Variants in POU6F2 observed in about 807,000 individuals in gnomAD.
POU6F2 encodes the protein POU domain, class 6, transcription factor 2.
A neutral mutation model predicts 71.3 loss-of-function variants in POU6F2; 31 were observed. That is an observed-to-expected ratio of 0.43 (90% confidence interval 0.33 to 0.59). The LOEUF is 0.59. Among genes scored for constraint, POU6F2 ranks in the 20% least tolerant of loss-of-function variants. The pLI, the probability that POU6F2 is intolerant of heterozygous loss-of-function variation, is 0.04. For synonymous variants in POU6F2, 347 were observed against 355.7 expected (o/e 0.98, Z 0.27); for missense variants, 783 against 856.8 (o/e 0.91, Z 1.07).
chr7:39,223,184 T>C (rs1364166582), intron 4 of POU6F2, among the ~76,000 whole-genome samples: 1 of 152,212 alleles, frequency 6.6e-6, no homozygotes, highest in Non-Finnish European at 1.5e-5. Flanking sequence ...AACAGTTACT[T>C]ACTGACTTCT....
chr7:39,409,901 T>C (rs1787517642), intron 6 of POU6F2, among the ~76,000 whole-genome samples: 1 of 152,236 alleles, frequency 6.6e-6, no homozygotes, highest in South Asian at 2.1e-4. Flanking sequence ...CTCCTTTTTT[T>C]CCCCAACCAG....
At chr7:39,171,072 G>A (rs895503788) in intron 2 of POU6F2, among the ~76,000 whole-genome samples, 26 of 124,242 alleles carry the variant, frequency 2.1e-4, no homozygotes, top group Non-Finnish European at 3.9e-4. Flanking sequence ...TGTGCAGAAC[G>A]TGCAGGTTTG....
At chr7:39,230,489 G>GAA (rs971811603) in intron 4 of POU6F2, among the ~76,000 whole-genome samples, 1 of 102,552 alleles carries the variant, frequency 9.8e-6, no homozygotes, top group Non-Finnish European at 2.1e-5. Context: ...GTTTTAAAAA[G>GAA]AAAAAAAAAA....
chr7:39,074,533 A>G (rs757774329), intron 1 of POU6F2, among the ~76,000 whole-genome samples: 3 of 152,152 alleles, frequency 2.0e-5, no homozygotes, highest in African/African-American at 7.2e-5. Context: ...TTTATCTTTT[A>G]TAGATATCAA....
At chr7:39,405,460 G>A (rs1276101531) in intron 5 of POU6F2, among the ~76,000 whole-genome samples, 2 of 152,154 alleles carry the variant, frequency 1.3e-5, no homozygotes, top group East Asian at 3.9e-4. Context: ...CCTAGTCTTA[G>A]TCGTGGCAGG....
intron 4 of POU6F2, among the ~76,000 whole-genome samples, chr7:39,296,477 A>G (rs1012758459): frequency 2.0e-5 from 3 of 152,204 alleles, no homozygotes; most frequent in Admixed American, 6.5e-5. Context: ...CGCTGCAACC[A>G]GCGTGATCTT....
At chr7:39,227,982 G>A (rs1475431549) in intron 4 of POU6F2, among the ~76,000 whole-genome samples, 1 of 152,152 alleles carries the variant, frequency 6.6e-6, no homozygotes, top group Non-Finnish European at 1.5e-5. Flanking sequence ...GTGAGGAAGG[G>A]AAGGAGAGAG....
intron 1 of POU6F2, among the ~76,000 whole-genome samples, chr7:38,990,125 T>C (rs1288112741): frequency 6.6e-6 from 1 of 152,146 alleles, no homozygotes; most frequent in Non-Finnish European, 1.5e-5. Context: ...TGGCCAAATA[T>C]ATGTTGGCAC....
chr7:39,240,368 C>T (rs1783700715), intron 4 of POU6F2, among the ~76,000 whole-genome samples: 2 of 152,110 alleles, frequency 1.3e-5, no homozygotes, highest in South Asian at 4.1e-4. Flanking sequence ...CTTACATCTG[C>T]CACTACTTGC....
At chr7:39,128,917 C>T (rs1792197481) in intron 2 of POU6F2, among the ~76,000 whole-genome samples, 1 of 152,154 alleles carries the variant, frequency 6.6e-6, no homozygotes. Context: ...ACTCTAAGAA[C>T]AAATCTCTTG....
intron 5 of POU6F2, among the ~76,000 whole-genome samples, chr7:39,365,790 T>G (rs1224959416): frequency 6.6e-6 from 1 of 152,210 alleles, no homozygotes; most frequent in Non-Finnish European, 1.5e-5. Flanking sequence ...GCTAGAGGTC[T>G]GAAGAGAAGC....
At chr7:39,290,969 C>T (rs1784743584) in intron 4 of POU6F2, among the ~76,000 whole-genome samples, 1 of 150,610 alleles carries the variant, frequency 6.6e-6, no homozygotes, top group African/African-American at 2.4e-5. Context: ...TTATCAAGCC[C>T]CTTTGGTCCA....
At chr7:39,066,826 A>T (rs1790763337) in intron 1 of POU6F2, among the ~76,000 whole-genome samples, 1 of 149,270 alleles carries the variant, frequency 6.7e-6, no homozygotes, top group African/African-American at 2.4e-5. Context: ...TAGCATATAG[A>T]TGATTTTTGC....
At chr7:39,055,115 G>C (rs1790481451) in intron 1 of POU6F2, among the ~76,000 whole-genome samples, 1 of 152,050 alleles carries the variant, frequency 6.6e-6, no homozygotes, top group Non-Finnish European at 1.5e-5. Flanking sequence ...GTGGATTGTA[G>C]GAACGAAGTA....
At chr7:39,196,758 C>CAAAAAAAAAAAAAAAAAAA (rs1793795171) in intron 2 of POU6F2, among the ~76,000 whole-genome samples, 1 of 147,774 alleles carries the variant, frequency 6.8e-6, no homozygotes, top group African/African-American at 2.5e-5. Context: ...GACTCCATCT[C>CAAAAAAAAAAAAAAAAAAA]AAGAAAAAAA....
intron 1 of POU6F2, among the ~76,000 whole-genome samples, chr7:39,021,292 C>T (rs527704709): frequency 6.6e-6 from 1 of 151,742 alleles, no homozygotes; most frequent in Non-Finnish European, 1.5e-5. Context: ...TTTATTCTTA[C>T]TGCTTTGAAA....
rs33915153 is a variant in POU6F2, at chr7:39,221,384, C to CTTTTT, written c.598+13784_598+13788dup. 2.5e-3 allele frequency among the ~76,000 whole-genome samples: 220 copies of CTTTTT among 86,344 alleles called. 3 individuals are homozygous for CTTTTT. Among genetic ancestry groups the CTTTTT allele is most frequent in the African/African-American group, 2.9e-3 (60 of 20,940 alleles). 56.6% of individuals were successfully genotyped at this position (86,344 alleles called of 152,430 possible). A position where few individuals can be genotyped will look rare whatever the true frequency, so the allele number is the denominator to read the frequency against. On this transcript the variant is annotated intron_variant, in intron 4 of 9. Coordinates refer to ENST00000518318, the MANE Select transcript of POU6F2 (RefSeq NM_001370959.1). ...TCAGAATCTAAAATTCTCTCTCTCT[C>CTTTTT]TTTTTTTTTTTTTTTTTTTTTTTTG...
chr7:39,000,195 G>T (rs115313390), intron 1 of POU6F2, among the ~76,000 whole-genome samples: 1 of 152,152 alleles, frequency 6.6e-6, no homozygotes, highest in Non-Finnish European at 1.5e-5. Flanking sequence ...TGTTTGGGGG[G>T]ACATTGGAGC....
chr7:39,160,568 C>A (rs906139341), intron 2 of POU6F2, among the ~76,000 whole-genome samples: 1 of 152,172 alleles, frequency 6.6e-6, no homozygotes, highest in Non-Finnish European at 1.5e-5. Flanking sequence ...AACTGATATT[C>A]ATCTAAAACT....
Sources: allele counts gnomAD v4.1 joint callset (sites outside exome capture counted in the v4.1 genomes callset), GRCh38; gene constraint gnomAD v4.1.1; transcripts MANE v1.5; gene names NCBI Gene and HGNC (gene_info 2026-07-23, HGNC 2026-07-21).